LSAMP: variants seen among roughly 807,000 people sequenced by gnomAD.
LSAMP encodes limbic system-associated membrane protein.
A neutral mutation model predicts 38.6 loss-of-function variants in LSAMP; 7 were observed. The ratio of observed to expected loss-of-function variants is 0.18; its 90% CI spans 0.10 to 0.34. The LOEUF (loss-of-function observed/expected upper bound fraction) is 0.34, where lower values mean the gene tolerates loss of function less well. Ranked by LOEUF, LSAMP falls within the 10% of genes least tolerant of loss-of-function variation. The pLI is 1.00. For synonymous variants in LSAMP, 154 were observed against 166.8 expected (o/e 0.92, Z 0.59); for missense variants, 313 against 420.0 (o/e 0.75, Z 2.23).
intron 3 of LSAMP, among the ~76,000 whole-genome samples, chr3:115,859,639 A>T (rs370889808): frequency 5.9e-5 from 9 of 152,230 alleles, no homozygotes; most frequent in African/African-American, 2.2e-4. Context: ...TGACAAGAAC[A>T]ATGCCAGGGA....
intron 1 of LSAMP, among the ~76,000 whole-genome samples, chr3:116,351,293 C>A (rs371083830): frequency 6.6e-6 from 1 of 151,962 alleles, no homozygotes; most frequent in African/African-American, 2.4e-5. Context: ...CACACCCTAC[C>A]TTCCAATGGA....
chr3:116,265,883 C>T (rs1213265910), intron 1 of LSAMP, among the ~76,000 whole-genome samples: 1 of 152,136 alleles, frequency 6.6e-6, no homozygotes, highest in Non-Finnish European at 1.5e-5. Flanking sequence ...AAACATAAGG[C>T]AGAGTAACAA....
chr3:115,968,243 T>C (rs1938891743), intron 3 of LSAMP, among the ~76,000 whole-genome samples: 1 of 151,992 alleles, frequency 6.6e-6, no homozygotes, highest in South Asian at 2.1e-4. Flanking sequence ...TCCTTCTCCT[T>C]TTCTCAAGCA....
intron 1 of LSAMP, among the ~76,000 whole-genome samples, chr3:116,304,153 T>C (rs752649266): frequency 2.6e-5 from 4 of 152,176 alleles, no homozygotes; most frequent in Non-Finnish European, 4.4e-5. Flanking sequence ...ATGTGCCACA[T>C]GTTGAGGACC....
At chr3:116,299,745 G>A (rs552001633) in intron 1 of LSAMP, among the ~76,000 whole-genome samples, 2 of 152,296 alleles carry the variant, frequency 1.3e-5, no homozygotes, top group South Asian at 4.1e-4. Flanking sequence ...GCAGAATGAT[G>A]AGAAACCTAC....
rs186132095 is a variant in LSAMP at position 116,137,064 on chromosome 3, G to A, written c.156-50508C>T. On this transcript the variant is annotated intron_variant, in intron 1 of 6. Coordinates refer to ENST00000490035, the MANE Select transcript of LSAMP (RefSeq NM_002338.5). ...TTTCTGGCTTCCGATAGCAGCTGGCGATCCTTGGTGTTCCTGGTGTACAGA... is the reference window on the plus strand; with the variant it reads ...TTTCTGGCTTCCGATAGCAGCTGGCAATCCTTGGTGTTCCTGGTGTACAGA... Among the ~76,000 whole-genome samples, 81 of 152,188 alleles carry A rather than the reference G, an allele frequency of 5.3e-4. 2 individuals carry two copies. The highest frequency in any genetic ancestry group is 1.9e-3 in the African/African-American group (77 of 41,554).
intron 3 of LSAMP, among the ~76,000 whole-genome samples, chr3:115,945,076 T>C (rs1251182375): frequency 2.0e-5 from 3 of 152,188 alleles, no homozygotes; most frequent in South Asian, 2.1e-4. Flanking sequence ...CTTTGAGTAA[T>C]CTCAGTACCT....
chr3:116,086,992 A>G (rs1708004363), intron 1 of LSAMP, among the ~76,000 whole-genome samples: 1 of 152,186 alleles, frequency 6.6e-6, no homozygotes, highest in African/African-American at 2.4e-5. Flanking sequence ...TGATAGATTA[A>G]AGTTATACTC....
chr3:115,880,269 C>T (rs368372813), intron 3 of LSAMP, among the ~76,000 whole-genome samples: 7 of 152,162 alleles, frequency 4.6e-5, no homozygotes, highest in East Asian at 3.9e-4. Context: ...TCTCAGATAA[C>T]GAGTTTCATT....
chr3:115,970,411 C>T (rs1576269820), intron 3 of LSAMP, among the ~76,000 whole-genome samples: 1 of 152,142 alleles, frequency 6.6e-6, no homozygotes, highest in East Asian at 1.9e-4. Context: ...CATAATACTG[C>T]CTAGCTGGTG....
chr3:116,016,703 G>T (rs142320929), intron 3 of LSAMP, among the ~76,000 whole-genome samples: 2 of 152,200 alleles, frequency 1.3e-5, no homozygotes, highest in African/African-American at 4.8e-5. Context: ...ATTTGTAAAT[G>T]AATGAGCATG....
intron 1 of LSAMP, among the ~76,000 whole-genome samples, chr3:116,329,274 CAG>C (rs1218455648): frequency 6.6e-6 from 1 of 152,124 alleles, no homozygotes; most frequent in Non-Finnish European, 1.5e-5. Context: ...CAAACTAAAG[CAG>C]AGAGTCACCC....
intron 1 of LSAMP, among the ~76,000 whole-genome samples, chr3:116,357,530 T>G (rs1274225679): frequency 6.6e-6 from 1 of 152,152 alleles, no homozygotes; most frequent in Non-Finnish European, 1.5e-5. Context: ...ACCTCGCACA[T>G]GGTAACTAAA....
chr3:115,893,697 TAAA>T (rs1318706263), intron 3 of LSAMP, among the ~76,000 whole-genome samples: 2 of 151,758 alleles, frequency 1.3e-5, no homozygotes, highest in Non-Finnish European at 2.9e-5. Flanking sequence ...AAATCAGGAA[TAAA>T]AGTATTAGAT....
intron 1 of LSAMP, chr3:116,359,942 CA>C (rs1231689199): frequency 6.6e-6 from 1 of 152,224 alleles, no homozygotes; most frequent in Admixed American, 6.5e-5. Context: ...ATGAAGATGC[CA>C]AAAGCAATTG....
chr3:116,381,270 G>A (rs538313773), intron 1 of LSAMP, among the ~76,000 whole-genome samples: 2 of 152,100 alleles, frequency 1.3e-5, no homozygotes, highest in East Asian at 3.9e-4. Flanking sequence ...CAATGAAAAA[G>A]TTATTAACTA....
chr3:116,006,701 C>T (rs945491437), intron 3 of LSAMP, among the ~76,000 whole-genome samples: 4 of 152,174 alleles, frequency 2.6e-5, no homozygotes, highest in Non-Finnish European at 5.9e-5. Context: ...CTTCTGTGTC[C>T]ATTATCACAG....
intron 2 of LSAMP, among the ~76,000 whole-genome samples, chr3:116,035,637 A>G (rs1941029650): frequency 6.6e-6 from 1 of 152,214 alleles, no homozygotes; most frequent in Non-Finnish European, 1.5e-5. Context: ...CTTGGTTTAT[A>G]CACTAGGCTT....
At chr3:116,113,521 GT>G (rs1708671807) in intron 1 of LSAMP, among the ~76,000 whole-genome samples, 1 of 141,474 alleles carries the variant, frequency 7.1e-6, no homozygotes, top group Admixed American at 7.4e-5. Context: ...CGCCTCCCGG[GT>G]TCACGCCATT....
Sources: allele counts gnomAD v4.1 joint callset (sites outside exome capture counted in the v4.1 genomes callset), GRCh38; gene constraint gnomAD v4.1.1; transcripts MANE v1.5; gene names NCBI Gene and HGNC (gene_info 2026-07-23, HGNC 2026-07-21).